Variants in JAZF1 observed in about 807,000 individuals in gnomAD.
The protein encoded by JAZF1 is juxtaposed with another zinc finger protein 1.
In JAZF1, 8 loss-of-function variants were observed where a neutral mutation model predicts 26.4. The ratio of observed to expected loss-of-function variants is 0.30; its 90% CI spans 0.18 to 0.55. The LOEUF (loss-of-function observed/expected upper bound fraction) is 0.55. JAZF1 is among the 20% of genes least tolerant of loss of function. The pLI is 0.94. For synonymous variants in JAZF1, 126 were observed against 122.3 expected (o/e 1.03, Z -0.20); for missense variants, 199 against 322.0 (o/e 0.62, Z 2.92).
intron 2 of JAZF1, among the ~76,000 whole-genome samples, chr7:27,961,003 C>G (rs185760976): frequency 6.6e-6 from 1 of 152,312 alleles, no homozygotes; most frequent in East Asian, 1.9e-4. Context: ...TGGAGTCAAT[C>G]AAACCTCTTC....
At chr7:28,172,252 G>A (rs1024408581) in intron 1 of JAZF1, among the ~76,000 whole-genome samples, 6 of 152,086 alleles carry the variant, frequency 3.9e-5, no homozygotes, top group Non-Finnish European at 8.8e-5. Flanking sequence ...TGACAATTCA[G>A]AAAAGTTACT....
At chr7:28,171,088 G>T (rs1783463080) in intron 1 of JAZF1, among the ~76,000 whole-genome samples, 1 of 152,232 alleles carries the variant, frequency 6.6e-6, no homozygotes. Flanking sequence ...TCAAGTTAGT[G>T]AGATCAGGAG....
At chr7:28,124,066 T>C (rs1254721851) in intron 1 of JAZF1, among the ~76,000 whole-genome samples, 2 of 152,128 alleles carry the variant, frequency 1.3e-5, no homozygotes, top group African/African-American at 4.8e-5. Flanking sequence ...AATATTAAAG[T>C]CTTAACCCCC....
intron 1 of JAZF1, among the ~76,000 whole-genome samples, chr7:28,057,951 G>A (rs541441718): frequency 6.6e-6 from 1 of 152,206 alleles, no homozygotes; most frequent in South Asian, 2.1e-4. Flanking sequence ...CTTAATTCCA[G>A]TTCTTGTTTC....
intron 2 of JAZF1, among the ~76,000 whole-genome samples, chr7:27,983,063 G>T (rs551874875): frequency 2.0e-5 from 3 of 152,324 alleles, no homozygotes; most frequent in African/African-American, 7.2e-5. Flanking sequence ...GCAGCTCCTT[G>T]GCAGCAACGG....
chr7:28,153,800 G>A (rs1419822064), intron 1 of JAZF1, among the ~76,000 whole-genome samples: 2 of 152,042 alleles, frequency 1.3e-5, no homozygotes, highest in African/African-American at 4.8e-5. Context: ...CAATGACCAC[G>A]GTGGGGTTAC....
At chr7:28,041,090 A>AT (rs1783382433) in intron 1 of JAZF1, among the ~76,000 whole-genome samples, 1 of 152,140 alleles carries the variant, frequency 6.6e-6, no homozygotes, top group Non-Finnish European at 1.5e-5. Context: ...ATGTGGCAAA[A>AT]TTTTTTAAAA....
chr7:27,870,278 G>A (rs1232886067), intron 3 of JAZF1, among the ~76,000 whole-genome samples: 1 of 151,892 alleles, frequency 6.6e-6, no homozygotes, highest in African/African-American at 2.4e-5. Flanking sequence ...TCTTGGAGGA[G>A]GTACTGGTCC....
At chr7:27,957,323 A>G (rs538090011) in intron 2 of JAZF1, among the ~76,000 whole-genome samples, 1 of 152,294 alleles carries the variant, frequency 6.6e-6, no homozygotes, top group East Asian at 1.9e-4. Flanking sequence ...AATAAATAAC[A>G]TGATTTTGTG....
chr7:28,156,703 A>T (rs1487944141), intron 1 of JAZF1, among the ~76,000 whole-genome samples: 1 of 152,186 alleles, frequency 6.6e-6, no homozygotes, highest in Non-Finnish European at 1.5e-5. Context: ...AGTGTTGAGA[A>T]TCTGCACATC....
chr7:27,915,335 G>A (rs748686678), intron 2 of JAZF1, among the ~76,000 whole-genome samples: 6 of 152,140 alleles, frequency 3.9e-5, no homozygotes, highest in Non-Finnish European at 7.3e-5. Flanking sequence ...CCTTCCTGTG[G>A]TTAACGAGTG....
At chr7:27,979,929 TC>T (rs1785549152) in intron 2 of JAZF1, among the ~76,000 whole-genome samples, 1 of 152,212 alleles carries the variant, frequency 6.6e-6, no homozygotes, top group Non-Finnish European at 1.5e-5. Context: ...ACTGGTTACC[TC>T]TCTCATAGAG....
intron 1 of JAZF1, among the ~76,000 whole-genome samples, chr7:28,034,140 A>C (rs569543971): frequency 1.3e-5 from 2 of 152,164 alleles, no homozygotes; most frequent in Non-Finnish European, 2.9e-5. Flanking sequence ...TTCTAAAATA[A>C]AACATCACAA....
intron 1 of JAZF1, among the ~76,000 whole-genome samples, chr7:28,121,624 C>G (rs1286483388): frequency 6.6e-6 from 1 of 152,164 alleles, no homozygotes. Flanking sequence ...TTTCCTGGAT[C>G]CCCTAATAAT....
At chr7:27,894,606 G>A (rs1784028138) in intron 3 of JAZF1, among the ~76,000 whole-genome samples, 1 of 152,204 alleles carries the variant, frequency 6.6e-6, no homozygotes, top group African/African-American at 2.4e-5. Flanking sequence ...GAAAGAGAAG[G>A]CAAATAGGAG....
intron 1 of JAZF1, among the ~76,000 whole-genome samples, chr7:28,093,038 G>A (rs1784328131): frequency 6.6e-6 from 1 of 152,134 alleles, no homozygotes; most frequent in South Asian, 2.1e-4. Context: ...AACACAGAAG[G>A]GCACAATCTT....
intron 1 of JAZF1, among the ~76,000 whole-genome samples, chr7:28,022,315 C>T (rs747146949): frequency 2.6e-5 from 4 of 152,212 alleles, no homozygotes; most frequent in Non-Finnish European, 5.9e-5. Context: ...CCCTTAACTG[C>T]TTTTCCAGAA....
At chr7:28,137,083 C>T (rs764838481) in intron 1 of JAZF1, among the ~76,000 whole-genome samples, 2 of 152,176 alleles carry the variant, frequency 1.3e-5, no homozygotes, top group Non-Finnish European at 2.9e-5. Context: ...AGCTGGGGCA[C>T]TGGAAAGCAG....
rs961946984 is a variant in JAZF1 at position 27,840,478 on chromosome 7, G to A, written c.555+220C>T. ...TTGACTGCCAGGCTCCCACGTAGGT[G>A]AGCAGAGGGGAAAGCCCCGGCAGCA... On this transcript the variant is annotated intron_variant, in intron 4 of 4. Transcript: ENST00000283928. The surrounding 1 kb of genome is among the most constrained non-coding windows in gnomAD (Gnocchi z 5.1). Among the ~76,000 whole-genome samples the A allele has an allele frequency of 2.6e-5, 4 of 152,362 alleles. No homozygotes were observed. The highest frequency in any genetic ancestry group is 2.6e-4 in the Admixed American group (4 of 15,310).
Sources: gnomAD v4.1 joint callset for allele counts (sites outside exome capture counted in the v4.1 genomes callset) on GRCh38, gnomAD v4.1.1 for gene constraint, Gnocchi (gnomAD v3.1) non-coding constraint, MANE v1.5 for transcripts, NCBI Gene and HGNC (gene_info 2026-07-23, HGNC 2026-07-21) for gene names.